Variants in PHF21A observed in about 807,000 individuals in gnomAD.
PHF21A encodes PHD finger protein 21A.
Under a neutral mutation model 82.5 loss-of-function variants are expected in PHF21A, and 11 were observed. The ratio of observed to expected loss-of-function variants is 0.13; its 90% CI spans 0.08 to 0.22. PHF21A has a LOEUF of 0.22. Ranked by LOEUF, PHF21A falls within the 10% of genes least tolerant of loss-of-function variation. The probability of loss-of-function intolerance (pLI) is 1.00; values close to 1 mark genes in which losing one functional copy is unlikely to be tolerated. For missense variants in PHF21A, 579 were observed against 837.8 expected (o/e 0.69, Z 3.81); for synonymous variants, 297 against 302.8 (o/e 0.98, Z 0.20).
intron 7 of PHF21A, among the ~76,000 whole-genome samples, 196 bp downstream of exon 7, chr11:45,979,564 T>G (rs2136278861): frequency 6.6e-6 from 1 of 152,360 alleles, no homozygotes; most frequent in East Asian, 1.9e-4. Context: ...AATTTTTGCT[T>G]CTTAGTAATG....
chr11:46,103,558 A>G (rs978478770), intron 1 of PHF21A, among the ~76,000 whole-genome samples: 2 of 152,226 alleles, frequency 1.3e-5, no homozygotes, highest in African/African-American at 2.4e-5. Flanking sequence ...AATAAAATAT[A>G]CACCAATTCA....
At chr11:46,059,795 C>T (rs1030001180) in intron 6 of PHF21A, among the ~76,000 whole-genome samples, 6 of 152,058 alleles carry the variant, frequency 3.9e-5, no homozygotes, top group East Asian at 3.9e-4. Context: ...GGCTCAATCT[C>T]GGCTCACTGC....
chr11:45,991,661 C>T (rs1427593063), intron 6 of PHF21A, among the ~76,000 whole-genome samples: 3 of 152,074 alleles, frequency 2.0e-5, no homozygotes, highest in Admixed American at 6.5e-5. Flanking sequence ...TACACTGGGT[C>T]GAGAAACCTA....
intron 1 of PHF21A, among the ~76,000 whole-genome samples, chr11:46,114,561 C>G (rs1042619095): frequency 3.9e-5 from 6 of 152,146 alleles, no homozygotes; most frequent in Admixed American, 6.5e-5. Flanking sequence ...GAAGCTTCGT[C>G]AATACAACAT....
intron 3 of PHF21A, among the ~76,000 whole-genome samples, chr11:46,090,048 C>T (rs1023646805): frequency 1.3e-5 from 2 of 151,488 alleles, no homozygotes; most frequent in Non-Finnish European, 2.9e-5. Context: ...CTTCTATTTC[C>T]TAACTTTCTT....
In PHF21A at chr11:45,935,612, G is replaced by A. The variant is rs749181999; in HGVS notation, c.1788+24C>T. On this transcript the variant is annotated intron_variant, in intron 18 of 18. Transcript: ENST00000676320. ...AGGTCTCTGCACCTATGTATCGACT[G>A]CTGAAGGCATGAGGTTTACTTACAC... 1.9e-5 allele frequency: 21 copies of A among 1,082,566 alleles called. No individual in the cohort carries two copies. In the East Asian group the frequency reaches 4.9e-4, roughly 25 times the overall value. 67.1% of individuals were successfully genotyped at this position (1,082,566 alleles called of 1,614,324 possible).
chr11:46,084,511 G>C (rs1449859914), intron 3 of PHF21A, among the ~76,000 whole-genome samples: 1 of 151,866 alleles, frequency 6.6e-6, no homozygotes, highest in African/African-American at 2.4e-5. Flanking sequence ...CAAAAAAAGG[G>C]TTTAATCTGG....
intron 3 of PHF21A, among the ~76,000 whole-genome samples, chr11:46,086,123 C>T (rs2096853635): frequency 6.9e-6 from 1 of 145,048 alleles, no homozygotes; most frequent in African/African-American, 2.5e-5. Context: ...TAGCTACTAT[C>T]TTTTTTTTTT....
chr11:45,995,052 G>A (rs928491031), intron 6 of PHF21A, among the ~76,000 whole-genome samples: 7 of 152,294 alleles, frequency 4.6e-5, no homozygotes, highest in South Asian at 2.1e-4. Flanking sequence ...GTACCTAAGC[G>A]TCCTAGAGTC....
chr11:45,965,175 T>C (rs1242041994), intron 10 of PHF21A, 140 bp downstream of exon 10: 14 of 718,650 alleles, frequency 1.9e-5, no homozygotes, highest in Non-Finnish European at 2.7e-5. Flanking sequence ...CGTGGATGAA[T>C]TATCGCACAT....
intron 1 of PHF21A, among the ~76,000 whole-genome samples, chr11:46,096,948 C>T (rs1347134143): frequency 6.6e-6 from 1 of 152,110 alleles, no homozygotes; most frequent in Non-Finnish European, 1.5e-5. Context: ...AATGGTAACT[C>T]CACCCCCTCA....
At chr11:46,003,262 C>T (rs1414500453) in intron 6 of PHF21A, among the ~76,000 whole-genome samples, 1 of 147,700 alleles carries the variant, frequency 6.8e-6, no homozygotes, top group Non-Finnish European at 1.5e-5. Flanking sequence ...GAGGAAAGAG[C>T]TTGGGTTAAA....
intron 6 of PHF21A, among the ~76,000 whole-genome samples, chr11:46,001,722 A>G (rs1321627260): frequency 6.6e-6 from 1 of 152,198 alleles, no homozygotes; most frequent in African/African-American, 2.4e-5. Context: ...CCATGGGAGA[A>G]TAAAACCAAT....
chr11:46,066,773 G>A (rs2096599231), intron 6 of PHF21A, among the ~76,000 whole-genome samples: 1 of 152,136 alleles, frequency 6.6e-6, no homozygotes, highest in Admixed American at 6.6e-5. Flanking sequence ...AAACGTGCTA[G>A]CTCTCTTGAA....
At chr11:46,061,134 T>C (rs977692135) in intron 6 of PHF21A, among the ~76,000 whole-genome samples, 1 of 152,218 alleles carries the variant, frequency 6.6e-6, no homozygotes, top group Non-Finnish European at 1.5e-5. Flanking sequence ...TGTGGTCTTA[T>C]TTCTGGGTTC....
intron 15 of PHF21A, among the ~76,000 whole-genome samples, chr11:45,945,264 T>C (rs146113428): frequency 6.6e-5 from 10 of 152,320 alleles, no homozygotes; most frequent in Non-Finnish European, 1.3e-4. Context: ...TGAGGTTCAT[T>C]TAAACATTTA....
chr11:45,980,830 A>AT (rs956461328), intron 6 of PHF21A, among the ~76,000 whole-genome samples: 14 of 152,190 alleles, frequency 9.2e-5, no homozygotes, highest in Admixed American at 9.2e-4. Context: ...CACATTCTAA[A>AT]TTACTGAAAT....
chr11:46,055,084 A>G (rs970117988), intron 6 of PHF21A, among the ~76,000 whole-genome samples: 3 of 152,128 alleles, frequency 2.0e-5, no homozygotes, highest in African/African-American at 7.2e-5. Flanking sequence ...CATAATTATA[A>G]TGCATCCTCT....
intron 1 of PHF21A, among the ~76,000 whole-genome samples, chr11:46,112,945 T>C (rs981433042): frequency 1.4e-5 from 2 of 144,002 alleles, no homozygotes; most frequent in Admixed American, 7.1e-5. Flanking sequence ...TGATAAAAAA[T>C]ACAATAAACT....
Sources: gnomAD v4.1 joint callset for allele counts (sites outside exome capture counted in the v4.1 genomes callset) on GRCh38, gnomAD v4.1.1 for gene constraint, MANE v1.5 for transcripts, NCBI Gene and HGNC (gene_info 2026-07-23, HGNC 2026-07-21) for gene names.